Variants in AREL1 observed in about 807,000 individuals in gnomAD.
The protein encoded by AREL1 is apoptosis resistant E3 ubiquitin protein ligase 1, also known as apoptosis-resistant E3 ubiquitin protein ligase 1.
Under a neutral mutation model 99.0 loss-of-function variants are expected in AREL1, and 62 were observed. The observed-to-expected ratio is 0.63, with a 90% confidence interval of 0.51 to 0.77. The LOEUF is 0.77. Ranked by LOEUF, AREL1 falls within the 30% of genes least tolerant of loss-of-function variation. The probability of loss-of-function intolerance (pLI) is 0.00; values close to 1 mark genes in which losing one functional copy is unlikely to be tolerated. For missense variants in AREL1, 879 were observed against 1,027.6 expected, an observed-to-expected ratio of 0.86 and a Z score of 1.98; for synonymous variants, 380 against 376.5, an observed-to-expected ratio of 1.01 and a Z score of -0.11.
intron 5 of AREL1, among the ~76,000 whole-genome samples, chr14:74,682,863 G>A (rs1326589786): frequency 1.3e-5 from 2 of 152,306 alleles, no homozygotes; most frequent in Non-Finnish European, 1.5e-5. Flanking sequence ...TGGAAGCTTC[G>A]CGAGGCCTCA....
rs200776635 is a variant in AREL1, at chr14:74,664,071, T to C, written c.2197A>G (p.Met733Val). 3.1e-6 allele frequency: 5 copies of C among 1,613,016 alleles called. No homozygotes were observed. In the South Asian group the frequency reaches 3.3e-5, roughly 11 times the overall value. Reference protein sequence around the residue: ...GGSWHFREKVMRWFWTVVSSL... With the variant: ...GGSWHFREKVVRWFWTVVSSL... ...GAAACCACAGTCCAAAACCACCTCA[T>C]GACCTGGCAGGGAGAGCACAAGGCT... is the stretch of plus-strand genomic sequence containing the variant. Residue 733 changes from methionine to valine, a missense_variant, in exon 19 of 20, where the codon ATG becomes GTG. Coordinates refer to ENST00000356357, the MANE Select transcript of AREL1 (RefSeq NM_001039479.2).
At chr14:74,675,622 T>C (rs1208892407) in intron 8 of AREL1, 77 bp downstream of exon 8, 1 of 1,536,798 alleles carries the variant, frequency 6.5e-7, no homozygotes, top group African/African-American at 1.4e-5. Context: ...ACTGTTACTT[T>C]GTGGTTTCTG....
chr14:74,704,319 T>A (rs886685871), intron 1 of AREL1, among the ~76,000 whole-genome samples: 1 of 152,204 alleles, frequency 6.6e-6, no homozygotes, highest in African/African-American at 2.4e-5. Context: ...CATGAGGTCC[T>A]GACGACATGT....
intron 5 of AREL1, among the ~76,000 whole-genome samples, chr14:74,678,980 TC>T (rs1383522893): frequency 6.6e-6 from 1 of 152,056 alleles, no homozygotes; most frequent in African/African-American, 2.4e-5. Context: ...AGCCTCAACC[TC>T]CTGGGCTTGT....
chr14:74,676,833 T>G (rs562517770), intron 5 of AREL1, 81 bp from the exon 6 acceptor site: 56 of 1,184,818 alleles, frequency 4.7e-5, no homozygotes, highest in Admixed American at 1.0e-4. Context: ...GTCTCGCTCT[T>G]TCGCCCAGGC....
chr14:74,681,707 T>C (rs995925928), intron 5 of AREL1, among the ~76,000 whole-genome samples: 2 of 150,760 alleles, frequency 1.3e-5, no homozygotes, highest in Non-Finnish European at 3.0e-5. Flanking sequence ...GAGTTGGAGG[T>C]TGCAGTGAGC....
intron 1 of AREL1, among the ~76,000 whole-genome samples, chr14:74,710,114 T>A (rs1307590513): frequency 1.3e-5 from 2 of 152,154 alleles, no homozygotes; most frequent in Non-Finnish European, 2.9e-5. Context: ...CAACACTACC[T>A]CCCAGCTTCG....
chr14:74,702,785 T>A (rs997273206), intron 1 of AREL1, among the ~76,000 whole-genome samples: 1 of 152,148 alleles, frequency 6.6e-6, no homozygotes, highest in African/African-American at 2.4e-5. Flanking sequence ...TTTCAGATCA[T>A]CTCTCTCAAA....
At position 74,662,371 on chromosome 14, in the gene AREL1, G is replaced by A. The variant is rs1257846019; in HGVS notation, c.*1349C>T. The A allele has an allele frequency of 2.6e-6, 1 of 388,628 alleles. No homozygotes were observed. Among genetic ancestry groups the A allele is most frequent in the Non-Finnish European group, 4.5e-6 (1 of 220,110 alleles). The allele number at this position is 388,628 out of a possible 1,614,324, so 24.1% of individuals were successfully genotyped here. ...GATGGCTTGTAATATTCTCAGAGTT[G>A]ACTGCCCCATTGGGAATGGTAGCTT... On this transcript the variant is annotated 3_prime_UTR_variant, in exon 20 of 20. Coordinates refer to ENST00000356357, the MANE Select transcript of AREL1 (RefSeq NM_001039479.2).
intron 5 of AREL1, among the ~76,000 whole-genome samples, chr14:74,677,990 A>C (rs1349511902): frequency 6.6e-6 from 1 of 152,228 alleles, no homozygotes; most frequent in Non-Finnish European, 1.5e-5. Flanking sequence ...ATGTTTATGG[A>C]AGATCCAACA....
At chr14:74,670,982 G>C in intron 12 of AREL1, 111 bp from the exon 13 acceptor site, 2 of 795,602 alleles carry the variant, frequency 2.5e-6, no homozygotes, top group Non-Finnish European at 4.0e-6. Flanking sequence ...GTACTACTCT[G>C]GTGTTTCTCC....
At chr14:74,690,426 A>C (rs537119396) in intron 2 of AREL1, among the ~76,000 whole-genome samples, 17 of 152,316 alleles carry the variant, frequency 1.1e-4, no homozygotes, top group African/African-American at 4.1e-4. Flanking sequence ...AGAGTTTGAA[A>C]GGATTTCTCT....
At chr14:74,698,464 T>A (rs1484751094) in intron 1 of AREL1, among the ~76,000 whole-genome samples, 2 of 152,288 alleles carry the variant, frequency 1.3e-5, no homozygotes, top group East Asian at 1.9e-4. Flanking sequence ...CATCTATAGG[T>A]TCCTCTTCAT....
rs1189002538 is a variant in AREL1, at chr14:74,691,282, T to C, written c.-46+759A>G. 1.1e-4 allele frequency: 15 copies of C among 140,252 alleles called. No homozygotes were observed. The Admixed American group carries it at 1.1e-3, about 10-fold the overall frequency. The allele number at this position is 140,252 out of a possible 1,614,324, so 8.7% of individuals were successfully genotyped here. ...CTGCAGTGAGCCATGATTGTGCTAC[T>C]GCACTCCAGCCTGGTTGACAGAGAA... On this transcript the variant is annotated intron_variant, in intron 2 of 19. Coordinates refer to ENST00000356357, the MANE Select transcript of AREL1 (RefSeq NM_001039479.2).
At position 74,669,633 on chromosome 14, in the gene AREL1, T is replaced by A. The variant is rs770650622; in HGVS notation, c.1914+16A>T. On this transcript the variant is annotated intron_variant, in intron 15 of 19. Coordinates refer to ENST00000356357, the MANE Select transcript of AREL1 (RefSeq NM_001039479.2). ...CTGGAGAACATAGGACCCAGAGGCT[T>A]TGTCCTCTTTCTCACCTTATCCAAT... The A allele has an allele frequency of 9.3e-6, 15 of 1,613,006 alleles. No individual in the cohort carries two copies. Among genetic ancestry groups the A allele is most frequent in the Non-Finnish European group, 1.3e-5 (15 of 1,179,464 alleles).
chr14:74,683,679 C>T, intron 4 of AREL1, 146 bp from the exon 5 acceptor site: 1 of 674,666 alleles, frequency 1.5e-6, no homozygotes. Flanking sequence ...GTCCTGCTCA[C>T]AAAAACACAG....
In AREL1 at chr14:74,676,218, C is replaced by A. The variant is rs369636473; in HGVS notation, c.755G>T (p.Arg252Leu). The A allele has an allele frequency of 8.7e-6, 14 of 1,613,952 alleles. No homozygotes were observed. The highest frequency in any genetic ancestry group is 1.2e-5 in the Non-Finnish European group (14 of 1,180,016). The change falls in exon 7 of 20, where the codon CGA (arginine) becomes CTA (leucine). Residue 252 changes from arginine to leucine, a missense_variant. Arg to Leu is a moderately radical substitution (Grantham distance 102). Coordinates refer to ENST00000356357, the MANE Select transcript of AREL1 (RefSeq NM_001039479.2). ...QVFLRLTLHS[R>L]GCFHACISYQ... The stretch of plus-strand genomic sequence containing the variant: ...TGAAATGCAAGCATGGAAGCAGCCT[C>A]GAGAATGCAGGGTGAGTCGCAAGAA...
chr14:74,670,001 A>C lies in AREL1; in HGVS notation c.1734T>G (p.Ala578=). ...GGGCCAGGAAAGAGCGGGTGAAGCG[A>C]GCTCGGACCAACTGCTTGTAGGCTC... ...LGGAYKQLVR[A]RFTRSFLAQI... The change falls in exon 14 of 20, where the codon GCT becomes GCG. Residue 578 remains alanine (A), a synonymous_variant. Coordinates refer to ENST00000356357, the MANE Select transcript of AREL1 (RefSeq NM_001039479.2). 6.2e-7 allele frequency: 1 copy of C among 1,614,070 alleles called. No homozygotes were observed. The highest frequency in any genetic ancestry group is 1.1e-5 in the South Asian group (1 of 91,088).
chr14:74,701,415 T>C (rs1457872217), intron 1 of AREL1, among the ~76,000 whole-genome samples: 2 of 152,128 alleles, frequency 1.3e-5, no homozygotes, highest in African/African-American at 2.4e-5. Context: ...ATGTCTTACA[T>C]GGCAGCAGGC....
Sources: allele counts gnomAD v4.1 joint callset (sites outside exome capture counted in the v4.1 genomes callset), GRCh38; gene constraint gnomAD v4.1.1; transcripts MANE v1.5; gene names NCBI Gene and HGNC (gene_info 2026-07-23, HGNC 2026-07-21).